The following LITAF variants were observed in gnomAD, a reference collection of about 807,000 sequenced individuals.
LITAF encodes the protein lipopolysaccharide-induced tumor necrosis factor-alpha factor.
LITAF carries 9 observed loss-of-function variants against 14.5 expected under a neutral mutation model. That is an observed-to-expected ratio of 0.62 (90% confidence interval 0.37 to 1.08). The LOEUF is 1.08. LITAF is among the 50% of genes least tolerant of loss of function. LITAF has a pLI of 0.01. For synonymous variants in LITAF, 98 were observed against 88.2 expected, an observed-to-expected ratio of 1.11 and a Z score of -0.62; for missense variants, 206 against 213.4, an observed-to-expected ratio of 0.97 and a Z score of 0.22.
chr16:11,556,207 G>A, intron 2 of LITAF: 1 of 518,060 alleles, frequency 1.9e-6, no homozygotes. Context: ...GAAGTGTGCG[G>A]GCCCTTAAGA....
intron 3 of LITAF, among the ~76,000 whole-genome samples, chr16:11,551,320 A>G (rs1025248472): frequency 2.0e-5 from 3 of 152,120 alleles, no homozygotes; most frequent in Non-Finnish European, 4.4e-5. Flanking sequence ...GCACACACAC[A>G]TATTTCATCC....
At chr16:11,565,450 G>A (rs1312710811) in intron 1 of LITAF, among the ~76,000 whole-genome samples, 4 of 138,452 alleles carry the variant, frequency 2.9e-5, no homozygotes, top group Non-Finnish European at 6.3e-5. Context: ...GGGGGGCGGG[G>A]GGGTGGGGGG....
In LITAF at chr16:11,549,189, T is replaced by C. The variant is rs2064147291; in HGVS notation, c.*448A>G. ...GGACGGGAAGAGACGGATAAGATAA[T>C]GGTAGGCACTAAAGGCTGGTTCAGC... On this transcript the variant is annotated 3_prime_UTR_variant, in exon 4 of 4. Transcript: ENST00000622633. This position sits in a 1 kb window ranked among gnomAD's most constrained non-coding sequence, Gnocchi z 4.6. 6.6e-6 allele frequency: 3 copies of C among 453,858 alleles called. No individual in the cohort carries two copies. Among genetic ancestry groups the C allele is most frequent in the African/African-American group, 2.0e-5 (1 of 49,950 alleles). The allele number at this position is 453,858 out of a possible 1,614,324, so 28.1% of individuals were successfully genotyped here.
At chr16:11,556,226 C>G in intron 2 of LITAF, 1 of 537,028 alleles carries the variant, frequency 1.9e-6, no homozygotes, top group Non-Finnish European at 3.3e-6. Flanking sequence ...GACACAAACT[C>G]CCATTCTCAG....
chr16:11,592,984 C>CA (rs2064857020), intron 1 of LITAF, among the ~76,000 whole-genome samples: 2 of 152,208 alleles, frequency 1.3e-5, no homozygotes, highest in South Asian at 4.1e-4. Flanking sequence ...TCCTGGCTAA[C>CA]AAGGTGAAAC....
intron 2 of LITAF, among the ~76,000 whole-genome samples, chr16:11,554,847 C>G (rs901507528): frequency 4.0e-5 from 6 of 149,286 alleles, no homozygotes; most frequent in African/African-American, 1.5e-4. Flanking sequence ...TCAAGCACTT[C>G]AGTTGTTAAG....
rs1396559750 is a variant in LITAF, at chr16:11,576,747, T to C, written c.-6+10139A>G. Among the ~76,000 whole-genome samples the C allele has an allele frequency of 2.6e-5, 4 of 152,136 alleles. No homozygotes were observed. The East Asian group carries it at 7.7e-4, about 29-fold the overall frequency. On this transcript the variant is annotated intron_variant, in intron 1 of 3. Transcript: ENST00000622633. ...GAACCCAGCGTGCAAGGACTCTGTG[T>C]AAAGTAAGAGTTCATAGTTGCCGTG...
upstream of LITAF, chr16:11,598,537 C>T (rs1377362099): frequency 6.6e-6 from 1 of 152,132 alleles, no homozygotes; most frequent in African/African-American, 2.4e-5. Flanking sequence ...GGAGTCGTGC[C>T]TGTGGGTACC....
rs1353059355 is a variant in LITAF, at chr16:11,586,853, C to G, written c.-6+33G>C. ...CGGCCCCCCGCTGTCTCCCGCTGGT[C>G]CCCGCGCCCCGGCGTCCCCGCGCCG... On this transcript the variant is annotated intron_variant, in intron 1 of 3. Transcript: ENST00000622633. The surrounding 1 kb of genome is among the most constrained non-coding windows in gnomAD (Gnocchi z 6.5). 1 of 152,112 alleles carries G rather than the reference C, an allele frequency of 6.6e-6. No homozygotes were observed. 9.4% of individuals were successfully genotyped at this position (152,112 alleles called of 1,614,324 possible). A position where few individuals can be genotyped will look rare whatever the true frequency, so the allele number is the denominator to read the frequency against.
intron 1 of LITAF, among the ~76,000 whole-genome samples, chr16:11,568,478 C>T (rs1473892075): frequency 2.1e-4 from 32 of 151,990 alleles, no homozygotes; most frequent in Non-Finnish European, 2.9e-5. Flanking sequence ...AAGGTGTCAT[C>T]CGTTCCCCAG....
chr16:11,561,993 G>A (rs921324417), intron 1 of LITAF, among the ~76,000 whole-genome samples: 3 of 151,888 alleles, frequency 2.0e-5, no homozygotes, highest in Non-Finnish European at 2.9e-5. Flanking sequence ...ATCATAGCTC[G>A]CCACAGCCTG....
chr16:11,612,550 C>T (rs1019778930), intron 3 of LITAF, among the ~76,000 whole-genome samples: 7 of 152,212 alleles, frequency 4.6e-5, no homozygotes, highest in African/African-American at 1.7e-4. Flanking sequence ...ATGCGGCCAG[C>T]GGGCGGCCAG....
At chr16:11,618,698 G>A (rs993170240) in intron 3 of LITAF, among the ~76,000 whole-genome samples, 2 of 152,108 alleles carry the variant, frequency 1.3e-5, no homozygotes, top group Non-Finnish European at 2.9e-5. Flanking sequence ...AAAAACCCCC[G>A]CACTGGCCGG....
intron 1 of LITAF, among the ~76,000 whole-genome samples, chr16:11,566,568 G>C (rs1372582256): frequency 6.6e-6 from 1 of 152,128 alleles, no homozygotes; most frequent in African/African-American, 2.4e-5. Context: ...GTTCGAGACC[G>C]GCCCGGGCAA....
intron 3 of LITAF, among the ~76,000 whole-genome samples, chr16:11,631,333 T>C (rs1165974770): frequency 6.6e-6 from 1 of 152,200 alleles, no homozygotes; most frequent in African/African-American, 2.4e-5. Flanking sequence ...CCTCTCTTGC[T>C]TCTTTCAGCT....
In LITAF at chr16:11,609,209, CT is replaced by C. The variant is rs1233293198; in HGVS notation, c.85+24323del. 9.1e-3 allele frequency among the ~76,000 whole-genome samples: 1,270 copies of C among 138,982 alleles called. 5 individuals are homozygous for C. Among genetic ancestry groups the C allele is most frequent in the Middle Eastern group, 0.026 (7 of 272 alleles). 91.2% of individuals were successfully genotyped at this position (138,982 alleles called of 152,430 possible). A position where few individuals can be genotyped will look rare whatever the true frequency, so the allele number is the denominator to read the frequency against. ...AAACTAAAAGCCTTTGAATAGTAGA[CT>C]TTTTTTTTTTTTTTTAATACGGAGT... On this transcript the variant is annotated intron_variant, in intron 3 of 3. Transcript: ENST00000574848.
intron 3 of LITAF, among the ~76,000 whole-genome samples, chr16:11,628,301 G>A (rs1023744525): frequency 5.3e-5 from 8 of 152,076 alleles, no homozygotes; most frequent in African/African-American, 1.9e-4. Context: ...CCATGTTTGC[G>A]TGTCTCCTCT....
At chr16:11,592,974 T>C (rs965236153) in intron 1 of LITAF, among the ~76,000 whole-genome samples, 5 of 152,004 alleles carry the variant, frequency 3.3e-5, no homozygotes, top group Non-Finnish European at 7.4e-5. Context: ...ATCGAGACCA[T>C]CCTGGCTAAC....
Position 11,575,188 on chromosome 16 carries a change from G to A in LITAF, c.-6+11698C>T, listed in dbSNP as rs964782799. On this transcript the variant is annotated intron_variant, in intron 1 of 3. Transcript: ENST00000622633. ...ACCAATGGTGGACAAAGGATTGAGA[G>A]ATGTGGACCCTCCCTTGCCGGCCTT... Among the ~76,000 whole-genome samples the A allele has an allele frequency of 4.6e-5, 7 of 152,258 alleles. No homozygotes were observed. The South Asian group carries it at 8.3e-4, about 18-fold the overall frequency.
Sources: gnomAD v4.1 joint callset for allele counts (sites outside exome capture counted in the v4.1 genomes callset) on GRCh38, gnomAD v4.1.1 for gene constraint, Gnocchi (gnomAD v3.1) non-coding constraint, MANE v1.5 for transcripts, NCBI Gene and HGNC (gene_info 2026-07-23, HGNC 2026-07-21) for gene names.